Variants in RIOX2 observed in about 807,000 individuals in gnomAD.
RIOX2 encodes 60S ribosomal protein L27a histidine hydroxylase.
RIOX2 carries 43 observed loss-of-function variants against 51.2 expected under a neutral mutation model. That is an observed-to-expected ratio of 0.84 (90% CI 0.66 to 1.08). The LOEUF is 1.08. RIOX2 is among the 50% of genes least tolerant of loss of function. The probability of loss-of-function intolerance (pLI) is 0.00; values close to 1 mark genes in which losing one functional copy is unlikely to be tolerated. For synonymous variants in RIOX2, 226 were observed against 218.5 expected (o/e 1.03, Z -0.30); for missense variants, 566 against 561.7 (o/e 1.01, Z -0.08).
chr3:97,970,128 C>A (rs1706064813), intron 1 of RIOX2, among the ~76,000 whole-genome samples: 1 of 152,078 alleles, frequency 6.6e-6, no homozygotes, highest in South Asian at 2.1e-4. Flanking sequence ...TATATGAATA[C>A]AGTATAAGCA....
chr3:97,950,381 A>C (rs1051708832), intron 6 of RIOX2, among the ~76,000 whole-genome samples: 6 of 152,290 alleles, frequency 3.9e-5, no homozygotes, highest in East Asian at 1.9e-4. Context: ...CTCAAAACTA[A>C]TCAAATAACA....
At chr3:97,954,968 T>C (rs1435236321) in intron 4 of RIOX2, among the ~76,000 whole-genome samples, 5 of 152,210 alleles carry the variant, frequency 3.3e-5, no homozygotes, top group Non-Finnish European at 7.3e-5. Context: ...AAATGAAGTT[T>C]AATAGCCCCA....
chr3:97,941,936 G>A lies in RIOX2; in HGVS notation c.*3248C>T, dbSNP rs1044076638. 4.8e-5 allele frequency: 8 copies of A among 166,674 alleles called. 3 individuals carry two copies. The Admixed American group carries it at 5.1e-4, about 11-fold the overall frequency. 10.3% of individuals were successfully genotyped at this position (166,674 alleles called of 1,614,324 possible). On this transcript the variant is annotated 3_prime_UTR_variant, in exon 10 of 10. Coordinates refer to ENST00000394198, the MANE Select transcript of RIOX2 (RefSeq NM_153182.4). Reference sequence around the variant, plus strand: ...GGATATCTTTAGCCCATCATGCAATGTTTTCATAAGAAAACCAAGCTCAAC... The same window carrying A: ...GGATATCTTTAGCCCATCATGCAATATTTTCATAAGAAAACCAAGCTCAAC...
At chr3:97,962,977 A>AGAC (rs1304560574) in intron 2 of RIOX2, among the ~76,000 whole-genome samples, 3 of 152,256 alleles carry the variant, frequency 2.0e-5, no homozygotes, top group Non-Finnish European at 4.4e-5. Flanking sequence ...CCTGGCACAC[A>AGAC]GACTGCATGA....
chr3:97,946,210 A>G (rs781221813), intron 8 of RIOX2, among the ~76,000 whole-genome samples: 1 of 152,112 alleles, frequency 6.6e-6, no homozygotes, highest in Non-Finnish European at 1.5e-5. Flanking sequence ...TTTATGTATC[A>G]ACTTATCAAT....
At chr3:97,946,051 A>G (rs1449958082) in intron 8 of RIOX2, among the ~76,000 whole-genome samples, 164 bp from the exon 9 acceptor site, 1 of 152,124 alleles carries the variant, frequency 6.6e-6, no homozygotes, top group African/African-American at 2.4e-5. Context: ...GCAAAAAGTG[A>G]CGGGTGTGTG....
intron 9 of RIOX2, 186 bp downstream of exon 9, chr3:97,945,612 G>T: frequency 1.6e-6 from 1 of 617,084 alleles, no homozygotes; most frequent in African/African-American, 1.9e-5. Context: ...TCTTAAAACT[G>T]GTGTGCATGT....
At chr3:97,954,774 T>C (rs982116446) in intron 4 of RIOX2, among the ~76,000 whole-genome samples, 21 of 152,154 alleles carry the variant, frequency 1.4e-4, no homozygotes, top group Non-Finnish European at 2.5e-4. Flanking sequence ...CACCTGAGAC[T>C]ACCCTGCCCT....
In RIOX2 at chr3:97,945,829, G is replaced by A; in HGVS notation, c.1208C>T (p.Thr403Ile). 2 of 1,610,824 alleles carry A rather than the reference G, an allele frequency of 1.2e-6. No homozygotes were observed. Among genetic ancestry groups the A allele is most frequent in the Non-Finnish European group, 1.7e-6 (2 of 1,177,576 alleles). Residue 403 changes from threonine to isoleucine, a missense_variant, in exon 9 of 10, where the codon ACA becomes ATA. Thr to Ile is a moderately conservative substitution (Grantham distance 89). Coordinates refer to ENST00000394198, the MANE Select transcript of RIOX2 (RefSeq NM_153182.4). ...TTCCTCCTCATTTCCCATCATGTGT[G>A]TCTCTCTACTATTCTTTAAGGAATG... is the stretch of plus-strand genomic sequence containing the variant. ...IYHSLKNSRETHMMGNEEETE... is the reference protein window; with the variant it reads ...IYHSLKNSREIHMMGNEEETE...
chr3:97,951,123 G>T, intron 5 of RIOX2: 1 of 452,398 alleles, frequency 2.2e-6, no homozygotes, highest in Non-Finnish European at 4.0e-6. Context: ...GTTAAAAGTG[G>T]GAAGCTAGGC....
chr3:97,947,570 G>C (rs977728149), intron 7 of RIOX2, 121 bp from the exon 8 acceptor site: 2 of 718,738 alleles, frequency 2.8e-6, no homozygotes, highest in African/African-American at 3.5e-5. Context: ...TCCAAACATG[G>C]CATACACTCC....
chr3:97,948,588 G>A (rs1362336641), intron 7 of RIOX2, among the ~76,000 whole-genome samples: 1 of 152,152 alleles, frequency 6.6e-6, no homozygotes, highest in Non-Finnish European at 1.5e-5. Flanking sequence ...TGGCTAATGA[G>A]TGACCACTTC....
intron 2 of RIOX2, among the ~76,000 whole-genome samples, chr3:97,964,271 C>T (rs1306950621): frequency 6.6e-6 from 1 of 152,196 alleles, no homozygotes; most frequent in African/African-American, 2.4e-5. Flanking sequence ...AAAAGCCCTA[C>T]TAAATTTCAA....
chr3:97,949,624 G>A (rs1330894668), intron 7 of RIOX2, among the ~76,000 whole-genome samples: 7 of 152,014 alleles, frequency 4.6e-5, no homozygotes, highest in Non-Finnish European at 7.4e-5. Flanking sequence ...TTCCCATCAG[G>A]GTGGGATACA....
chr3:97,947,418 C>T lies in RIOX2; in HGVS notation c.1092G>A (p.Val364=), dbSNP rs2040392030. ...CAATGTGGTCTTTAAACTGCAGTCT[C>T]ACTACACTGTCCAGCCTCGGTAACT... ...GGKLPRLDSV[V]RLQFKDHIVL... Residue 364 remains valine, a synonymous_variant, in exon 8 of 10, where the codon GTG becomes GTA. Transcript: ENST00000394198. The T allele has an allele frequency of 6.2e-7, 1 of 1,613,564 alleles. No individual in the cohort carries two copies. Among genetic ancestry groups the T allele is most frequent in the Non-Finnish European group, 8.5e-7 (1 of 1,179,596 alleles).
Position 97,945,824 on chromosome 3 carries a change from T to A in RIOX2, c.1213A>T (p.Met405Leu). 1.1e-5 allele frequency: 17 copies of A among 1,610,842 alleles called. No individual in the cohort carries two copies. The highest frequency in any genetic ancestry group is 1.4e-5 in the Non-Finnish European group (17 of 1,177,450). Residue 405 changes from methionine (M) to leucine (L), a missense_variant, in exon 9 of 10, where the codon ATG (methionine) becomes TTG (leucine). Physicochemically the swap from Met to Leu is conservative, Grantham distance 15. Coordinates refer to ENST00000394198, the MANE Select transcript of RIOX2 (RefSeq NM_153182.4). ...HSLKNSRETH[M>L]MGNEEETEFH... is the part of the protein sequence containing the mutation. ...TCTGTTTCCTCCTCATTTCCCATCA[T>A]GTGTGTCTCTCTACTATTCTTTAAG...
Position 97,942,500 on chromosome 3 carries a change from TCTC to T in RIOX2, c.*2681_*2683del, listed in dbSNP as rs1231179130. 17 of 1,455,992 alleles carry T rather than the reference TCTC, an allele frequency of 1.2e-5. No individual in the cohort carries two copies. In the East Asian group the frequency reaches 2.4e-4, roughly 20 times the overall value. 90.2% of individuals were successfully genotyped at this position (1,455,992 alleles called of 1,614,324 possible). A position where few individuals can be genotyped will look rare whatever the true frequency, so the allele number is the denominator to read the frequency against. ...CCTGGATATTAGTTTCAGTTCCAAA[TCTC>T]CTCATTTTGGGTAAAGGACATCCTT... On this transcript the variant is annotated 3_prime_UTR_variant, in exon 10 of 10. Coordinates refer to ENST00000394198, the MANE Select transcript of RIOX2 (RefSeq NM_153182.4).
At chr3:97,969,191 T>A (rs1386247796) in intron 1 of RIOX2, among the ~76,000 whole-genome samples, 1 of 152,052 alleles carries the variant, frequency 6.6e-6, no homozygotes, top group Middle Eastern at 3.4e-3. Context: ...CACAAACTGA[T>A]ACTACAGGAG....
rs1553711996 is a variant in RIOX2, at chr3:97,945,249, T to C, written c.1333A>G (p.Thr445Ala). ...ACCAGGCTTTCCTTTTCCTCATCTG[T>C]AGTAAGTTTCAGGTCCTTGACAGAA... ...AISVKDLKLT[T>A]DEEKESLVLS... Residue 445 changes from threonine to alanine, a missense_variant, in exon 10 of 10, where the codon ACA becomes GCA. Physicochemically the swap from Thr to Ala is moderately conservative, Grantham distance 58. Transcript: ENST00000394198. 1.9e-6 allele frequency: 3 copies of C among 1,612,788 alleles called. No individual in the cohort carries two copies. The highest frequency in any genetic ancestry group is 2.2e-5 in the South Asian group (2 of 91,014).
Sources: allele counts gnomAD v4.1 joint callset (sites outside exome capture counted in the v4.1 genomes callset), GRCh38; gene constraint gnomAD v4.1.1; transcripts MANE v1.5; gene names NCBI Gene and HGNC (gene_info 2026-07-23, HGNC 2026-07-21).